PPARGC1A: variants seen among roughly 807,000 people sequenced by gnomAD.
The protein encoded by PPARGC1A is PPARG coactivator 1 alpha.
PPARGC1A carries 25 observed loss-of-function variants against 88.7 expected under a neutral mutation model. The ratio of observed to expected loss-of-function variants is 0.28; its 90% CI spans 0.21 to 0.39. The LOEUF (loss-of-function observed/expected upper bound fraction) is 0.39. Ranked by LOEUF, PPARGC1A falls within the 10% of genes least tolerant of loss-of-function variation. PPARGC1A has a pLI of 1.00. For missense variants in PPARGC1A, 880 were observed against 968.7 expected (o/e 0.91, Z 1.22); for synonymous variants, 363 against 355.6 (o/e 1.02, Z -0.24).
At chr4:23,962,123 A>AT in the PPARGC1A span, among the ~76,000 whole-genome samples, 11,734 of 151,318 alleles carry the variant, frequency 0.078, 1,485 homozygotes, top group African/African-American at 0.27. Context: ...TCATCTTTTT[A>AT]TTTTTTTTTA....
chr4:23,815,767 A>G (rs1249927578), intron 7 of PPARGC1A, among the ~76,000 whole-genome samples: 1 of 152,182 alleles, frequency 6.6e-6, no homozygotes, highest in African/African-American at 2.4e-5. Context: ...GGAGCATTTT[A>G]GTTTACAATA....
the PPARGC1A span, among the ~76,000 whole-genome samples, chr4:24,133,190 G>C: frequency 1.3e-5 from 2 of 152,186 alleles, no homozygotes; most frequent in Admixed American, 6.5e-5. Context: ...TCCCCCCTGG[G>C]GGGTGGTGGT....
chr4:23,851,445 A>G (rs931827320), intron 2 of PPARGC1A, among the ~76,000 whole-genome samples: 3 of 152,218 alleles, frequency 2.0e-5, no homozygotes, highest in African/African-American at 7.2e-5. Context: ...ATCTTAGGAA[A>G]TGCAGTCGAT....
chr4:24,091,698 A>G, the PPARGC1A span: 2 of 949,306 alleles, frequency 2.1e-6, no homozygotes, highest in East Asian at 1.2e-4. Context: ...CCACCGGGGA[A>G]CAAATTTGGG....
chr4:24,367,137 G>A, the PPARGC1A span, among the ~76,000 whole-genome samples: 3 of 152,222 alleles, frequency 2.0e-5, no homozygotes, highest in African/African-American at 4.8e-5. Flanking sequence ...TTAATGATTC[G>A]TAATCACTAG....
chr4:24,270,664 T>C, the PPARGC1A span, among the ~76,000 whole-genome samples: 5 of 152,188 alleles, frequency 3.3e-5, no homozygotes, highest in African/African-American at 1.2e-4. Flanking sequence ...TTATGAGGAT[T>C]ACAAATTTAA....
the PPARGC1A span, among the ~76,000 whole-genome samples, chr4:24,006,474 T>A: frequency 6.6e-6 from 1 of 152,218 alleles, no homozygotes; most frequent in Non-Finnish European, 1.5e-5. Flanking sequence ...AATTTATGAG[T>A]CTGCCCCTTA....
the PPARGC1A span, among the ~76,000 whole-genome samples, chr4:24,163,117 A>G: frequency 1.0e-4 from 15 of 150,326 alleles, no homozygotes; most frequent in Middle Eastern, 3.4e-3. Flanking sequence ...TTATTTCTCA[A>G]AAATACAGGA....
the PPARGC1A span, among the ~76,000 whole-genome samples, chr4:24,227,495 A>G: frequency 1.3e-5 from 2 of 152,228 alleles, no homozygotes; most frequent in Admixed American, 6.5e-5. Flanking sequence ...AAATAAGATG[A>G]TATCAACAGA....
At chr4:24,456,104 G>A in the PPARGC1A span, among the ~76,000 whole-genome samples, 1 of 151,976 alleles carries the variant, frequency 6.6e-6, no homozygotes, top group Non-Finnish European at 1.5e-5. Context: ...ATGCAACAAA[G>A]GGAAAAAAAG....
chr4:23,855,532 T>C (rs1302393180), intron 2 of PPARGC1A, among the ~76,000 whole-genome samples: 1 of 152,238 alleles, frequency 6.6e-6, no homozygotes, highest in African/African-American at 2.4e-5. Flanking sequence ...TTGTGCATTG[T>C]ATAATGTACT....
chr4:23,933,478 T>C, the PPARGC1A span, among the ~76,000 whole-genome samples: 1 of 152,144 alleles, frequency 6.6e-6, no homozygotes, highest in Non-Finnish European at 1.5e-5. Context: ...CCTCACCTCA[T>C]ACCAGTAGGA....
chr4:24,287,634 G>GCACACACACACA, the PPARGC1A span, among the ~76,000 whole-genome samples: 1,339 of 142,116 alleles, frequency 9.4e-3, 11 homozygotes, highest in African/African-American at 0.021. Context: ...AACACCACAT[G>GCACACACACACA]CACACACACA....
the PPARGC1A span, among the ~76,000 whole-genome samples, chr4:24,277,749 A>AG: frequency 5.3e-5 from 8 of 152,126 alleles, no homozygotes; most frequent in African/African-American, 1.4e-4. Flanking sequence ...ATGAGCTAGC[A>AG]GGGGGGTCGA....
chr4:24,447,042 A>G, the PPARGC1A span, among the ~76,000 whole-genome samples: 2 of 152,138 alleles, frequency 1.3e-5, no homozygotes, highest in Non-Finnish European at 2.9e-5. Flanking sequence ...TGCTACTCCA[A>G]GACGGCCTTG....
the PPARGC1A span, among the ~76,000 whole-genome samples, chr4:24,419,996 G>T: frequency 3.9e-5 from 6 of 152,092 alleles, no homozygotes; most frequent in Non-Finnish European, 8.8e-5. Flanking sequence ...TGAAAAATAG[G>T]CTCTAAAGAA....
chr4:24,202,201 C>T, the PPARGC1A span, among the ~76,000 whole-genome samples: 3 of 152,108 alleles, frequency 2.0e-5, no homozygotes, highest in Admixed American at 1.3e-4. Context: ...TTAAGCACTC[C>T]CATTCTGATG....
the PPARGC1A span, among the ~76,000 whole-genome samples, chr4:23,921,812 A>T: frequency 6.6e-6 from 1 of 152,136 alleles, no homozygotes; most frequent in African/African-American, 2.4e-5. Context: ...AATAATAATG[A>T]TTCTGTGGTT....
chr4:24,169,225 C>T, the PPARGC1A span, among the ~76,000 whole-genome samples: 3 of 152,130 alleles, frequency 2.0e-5, no homozygotes. Flanking sequence ...CCGGACCAGT[C>T]CTCCTCAAAA....
Sources: gnomAD v4.1 joint callset for allele counts (sites outside exome capture counted in the v4.1 genomes callset) on GRCh38, gnomAD v4.1.1 for gene constraint, MANE v1.5 for transcripts, NCBI Gene and HGNC (gene_info 2026-07-23, HGNC 2026-07-21) for gene names.